DOCK1: variants seen among roughly 807,000 people sequenced by gnomAD.
The protein encoded by DOCK1 is dedicator of cytokinesis 1, also known as dedicator of cytokinesis protein 1.
In DOCK1, 138 loss-of-function variants were observed where a neutral mutation model predicts 262.7. The observed-to-expected ratio is 0.53, with a 90% confidence interval of 0.46 to 0.61. DOCK1 has a LOEUF of 0.61. Ranked by LOEUF, DOCK1 falls within the 20% of genes least tolerant of loss-of-function variation. The probability of loss-of-function intolerance (pLI) is 0.00; values close to 1 mark genes in which losing one functional copy is unlikely to be tolerated. For missense variants in DOCK1, 1,908 were observed against 2,370.7 expected (o/e 0.80, Z 4.05); for synonymous variants, 866 against 867.4 (o/e 1.00, Z 0.03).
chr10:127,080,438 G>C (rs1176057916), intron 23 of DOCK1, among the ~76,000 whole-genome samples: 1 of 152,034 alleles, frequency 6.6e-6, no homozygotes, highest in Non-Finnish European at 1.5e-5. Context: ...TGTACCCCAG[G>C]GTTTGATTGA....
intron 26 of DOCK1, 71 bp downstream of exon 26, chr10:127,125,672 T>C (rs748937094): frequency 2.2e-5 from 35 of 1,558,270 alleles, no homozygotes; most frequent in Non-Finnish European, 2.9e-5. Flanking sequence ...AGTACAACTT[T>C]ATTCAGTTAA....
chr10:127,310,640 A>G (rs1006139349), intron 29 of DOCK1, among the ~76,000 whole-genome samples: 1 of 152,174 alleles, frequency 6.6e-6, no homozygotes, highest in African/African-American at 2.4e-5. Context: ...GCAGCTGTGG[A>G]GGTTGCCATA....
Position 126,993,030 on chromosome 10 carries a change from G to A in DOCK1, c.473+2427G>A, listed in dbSNP as rs559325047. Among the ~76,000 whole-genome samples the A allele has an allele frequency of 2.6e-5, 4 of 152,338 alleles. No individual in the cohort carries two copies. The East Asian group carries it at 5.8e-4, about 22-fold the overall frequency. On this transcript the variant is annotated intron_variant, in intron 6 of 51. Coordinates refer to ENST00000623213, the MANE Select transcript of DOCK1 (RefSeq NM_001290223.2). ...TTTGATGGTTTGCATGTGGCATTCT[G>A]GAAGGAGCATGGCTCTGCCATTGGA...
intron 6 of DOCK1, among the ~76,000 whole-genome samples, chr10:126,993,944 A>G (rs926014704): frequency 6.6e-6 from 1 of 152,236 alleles, no homozygotes; most frequent in Non-Finnish European, 1.5e-5. Flanking sequence ...TGGAACATTT[A>G]TTGGCAATTC....
intron 27 of DOCK1, among the ~76,000 whole-genome samples, chr10:127,200,503 C>G (rs893751894): frequency 6.6e-6 from 1 of 152,098 alleles, no homozygotes; most frequent in Non-Finnish European, 1.5e-5. Context: ...ACTGCAACCT[C>G]CATCTCCCAT....
Position 127,339,016 on chromosome 10 carries a change from C to T in DOCK1, c.3055C>T (p.Arg1019Ter). ...MNMVQNKVFL[R>*]AINQYADMLN... ...CTCTTGATCTTTCAGAGTCTTCCTG[C>T]GAGCAATTAATCAGTATGCAGATAT... Residue 1019 changes from arginine (R) to a stop codon, truncating the protein, a stop_gained, in exon 30 of 52, where the codon CGA (arginine) becomes TGA (stop). Transcript: ENST00000623213. LOFTEE classifies it high-confidence loss of function. 4.4e-6 allele frequency: 7 copies of T among 1,579,722 alleles called. No individual in the cohort carries two copies. Among genetic ancestry groups the T allele is most frequent in the Non-Finnish European group, 6.0e-6 (7 of 1,162,370 alleles).
At chr10:127,215,861 A>G (rs1426468193) in intron 27 of DOCK1, among the ~76,000 whole-genome samples, 2 of 151,624 alleles carry the variant, frequency 1.3e-5, no homozygotes, top group Admixed American at 6.6e-5. Context: ...AAAAGCAAAA[A>G]CATCAAAATA....
intron 29 of DOCK1, among the ~76,000 whole-genome samples, chr10:127,267,736 G>T (rs2060414841): frequency 6.6e-6 from 1 of 152,166 alleles, no homozygotes; most frequent in Non-Finnish European, 1.5e-5. Context: ...TCTATTTTAT[G>T]CATGAAACAT....
At chr10:127,436,778 C>T (rs534004023) in intron 48 of DOCK1, among the ~76,000 whole-genome samples, 102 of 152,120 alleles carry the variant, frequency 6.7e-4, no homozygotes, top group African/African-American at 2.4e-3. Flanking sequence ...GTTTATTTCA[C>T]ACCAAAAATA....
chr10:126,999,433 A>G lies in DOCK1; in HGVS notation c.847A>G (p.Thr283Ala). 2.5e-6 allele frequency: 4 copies of G among 1,612,710 alleles called. No individual in the cohort carries two copies. Among genetic ancestry groups the G allele is most frequent in the African/African-American group, 1.3e-5 (1 of 75,002 alleles). ...DRLHNLRAVF[T>A]DLGSKDLKRE... is the part of the protein sequence containing the mutation. ...ATTACATAATTTGCGAGCCGTGTTT[A>G]CTGTAAGTGCACCCAAAGATGCTTA... The change falls in exon 9 of 52, where the codon ACT (threonine) becomes GCT (alanine). Residue 283 changes from threonine (T) to alanine (A), a missense_variant and splice_region_variant. Transcript: ENST00000623213.
chr10:127,339,345 C>T (rs115413375), intron 30 of DOCK1, among the ~76,000 whole-genome samples: 255 of 152,226 alleles, frequency 1.7e-3, no homozygotes, highest in African/African-American at 6.0e-3. Flanking sequence ...AGAAGGGACT[C>T]TTCAAGCAGG....
chr10:127,230,580 T>G (rs2058803293), intron 27 of DOCK1, among the ~76,000 whole-genome samples: 1 of 151,026 alleles, frequency 6.6e-6, no homozygotes, highest in Non-Finnish European at 1.5e-5. Context: ...TGTAAGTGTG[T>G]GGATTTATTT....
chr10:127,278,121 G>C (rs2060812129), intron 29 of DOCK1, among the ~76,000 whole-genome samples: 1 of 152,154 alleles, frequency 6.6e-6, no homozygotes, highest in East Asian at 1.9e-4. Flanking sequence ...ACCCCATGCT[G>C]TCCTTGTTAG....
intron 27 of DOCK1, among the ~76,000 whole-genome samples, chr10:127,244,776 T>G (rs961861926): frequency 2.0e-5 from 3 of 152,206 alleles, no homozygotes; most frequent in Non-Finnish European, 2.9e-5. Flanking sequence ...TTATTTTTAC[T>G]CAGCTGCTGG....
chr10:127,249,422 CAT>C (rs1243856073), intron 28 of DOCK1, among the ~76,000 whole-genome samples: 204 of 65,520 alleles, frequency 3.1e-3, no homozygotes, highest in Middle Eastern at 8.3e-3. Context: ...TATACATGTA[CAT>C]ATATATATAC....
rs1413608392 is a variant in DOCK1 at position 126,998,111 on chromosome 10, A to G, written c.629A>G (p.Asp210Gly). 2 of 1,613,920 alleles carry G rather than the reference A, an allele frequency of 1.2e-6. No individual in the cohort carries two copies. Among genetic ancestry groups the G allele is most frequent in the African/African-American group, 2.7e-5 (2 of 74,944 alleles). ...QEEKSQKQNI[D>G]INRQAKFAAT... Reference sequence around the variant, plus strand: ...ACACAGTCTCAAAAGCAGAACATAGATATTAACAGACAAGCCAAGTTTGCT... The same window carrying G: ...ACACAGTCTCAAAAGCAGAACATAGGTATTAACAGACAAGCCAAGTTTGCT... The change falls in exon 8 of 52, where the codon GAT becomes GGT. Residue 210 changes from aspartate (D) to glycine (G), a missense_variant. By Grantham distance (94) the Asp-to-Gly change is moderately conservative. Coordinates refer to ENST00000623213, the MANE Select transcript of DOCK1 (RefSeq NM_001290223.2).
At chr10:127,265,283 A>G (rs528086068) in intron 29 of DOCK1, among the ~76,000 whole-genome samples, 1 of 152,320 alleles carries the variant, frequency 6.6e-6, no homozygotes, top group African/African-American at 2.4e-5. Flanking sequence ...TCTGCAATCA[A>G]TTAATCTTAT....
chr10:127,246,886 G>A (rs1411210518), intron 27 of DOCK1, among the ~76,000 whole-genome samples: 1 of 152,162 alleles, frequency 6.6e-6, no homozygotes, highest in East Asian at 1.9e-4. Flanking sequence ...AGAAAAAATA[G>A]GGACATGTCT....
rs576824515 is a variant in DOCK1 at position 127,031,921 on chromosome 10, G to A, written c.1728+168G>A. Among the ~76,000 whole-genome samples the A allele has an allele frequency of 5.1e-4, 77 of 152,190 alleles. 2 individuals are homozygous for A. The highest frequency in any genetic ancestry group is 1.8e-3 in the African/African-American group (74 of 41,510). On this transcript the variant is annotated intron_variant, in intron 17 of 51. Coordinates refer to ENST00000623213, the MANE Select transcript of DOCK1 (RefSeq NM_001290223.2). Reference sequence around the variant, plus strand: ...GACCAGCCCTTTTGTTGTTCCTAACGGGAAAAGATGATATACAATATAACA... The same window carrying A: ...GACCAGCCCTTTTGTTGTTCCTAACAGGAAAAGATGATATACAATATAACA...
Sources: gnomAD v4.1 joint callset for allele counts (sites outside exome capture counted in the v4.1 genomes callset) on GRCh38, gnomAD v4.1.1 for gene constraint, MANE v1.5 for transcripts, NCBI Gene and HGNC (gene_info 2026-07-23, HGNC 2026-07-21) for gene names.